RBMS3: variants seen among roughly 807,000 people sequenced by gnomAD.
The protein encoded by RBMS3 is RNA-binding motif, single-stranded-interacting protein 3.
RBMS3 carries 27 observed loss-of-function variants against 66.8 expected under a neutral mutation model. The ratio of observed to expected loss-of-function variants is 0.40; its 90% CI spans 0.30 to 0.56. The LOEUF is 0.56. Among genes scored for constraint, RBMS3 ranks in the 20% least tolerant of loss-of-function variants. The pLI is 0.40. For synonymous variants in RBMS3, 188 were observed against 183.0 expected (o/e 1.03, Z -0.22); for missense variants, 513 against 549.5 (o/e 0.93, Z 0.66).
chr3:29,487,014 C>G (rs1345042316), intron 2 of RBMS3, among the ~76,000 whole-genome samples: 1 of 151,946 alleles, frequency 6.6e-6, no homozygotes, highest in Non-Finnish European at 1.5e-5. Context: ...TTCTCTTATC[C>G]CTTATTTTCT....
chr3:29,578,328 C>T (rs1364315816), intron 3 of RBMS3, among the ~76,000 whole-genome samples: 2 of 152,238 alleles, frequency 1.3e-5, no homozygotes, highest in African/African-American at 2.4e-5. Context: ...TTACCGTGTA[C>T]ATTTGTTACT....
intron 14 of RBMS3, among the ~76,000 whole-genome samples, chr3:29,997,308 C>T (rs1334276440): frequency 6.6e-6 from 1 of 151,192 alleles, no homozygotes; most frequent in African/African-American, 2.4e-5. Context: ...TCCAGGATCA[C>T]ATGGATTCAC....
intron 6 of RBMS3, among the ~76,000 whole-genome samples, chr3:29,865,969 T>C (rs2059350608): frequency 6.8e-6 from 1 of 148,132 alleles, no homozygotes; most frequent in South Asian, 2.1e-4. Context: ...ACTGGTAAAA[T>C]AGGGAAAAAT....
chr3:29,666,144 C>T (rs1028166126), intron 4 of RBMS3, among the ~76,000 whole-genome samples: 1 of 152,190 alleles, frequency 6.6e-6, no homozygotes, highest in African/African-American at 2.4e-5. Context: ...CCTCCTTTAT[C>T]TCTTTCAAGC....
At chr3:29,977,908 TAA>T (rs58268240) in intron 12 of RBMS3, among the ~76,000 whole-genome samples, 8 of 143,084 alleles carry the variant, frequency 5.6e-5, no homozygotes, top group African/African-American at 1.5e-4. Context: ...GAGGCTCTAG[TAA>T]AAAAAAAAAA....
At chr3:29,942,787 G>A (rs912243442) in intron 11 of RBMS3, among the ~76,000 whole-genome samples, 6 of 149,114 alleles carry the variant, frequency 4.0e-5, no homozygotes, top group Admixed American at 4.0e-4. Context: ...AAAATGTCTA[G>A]TAGCATGGTC....
chr3:29,643,130 C>T (rs186106287), intron 4 of RBMS3, among the ~76,000 whole-genome samples: 1 of 152,204 alleles, frequency 6.6e-6, no homozygotes, highest in East Asian at 1.9e-4. Flanking sequence ...AAAGGCTCCT[C>T]GCTGTGTCAG....
At chr3:29,585,619 G>A (rs752964132) in intron 3 of RBMS3, among the ~76,000 whole-genome samples, 8 of 152,038 alleles carry the variant, frequency 5.3e-5, no homozygotes, top group African/African-American at 9.7e-5. Flanking sequence ...CACAGCAACC[G>A]ACATGTGAGA....
In RBMS3 at chr3:29,639,593, C is replaced by CAGAGAGAGAGAGAGAGAG. The variant is rs60712857; in HGVS notation, c.399+52402_399+52419dup. 5.9e-3 allele frequency among the ~76,000 whole-genome samples: 848 copies of CAGAGAGAGAGAGAGAGAG among 143,112 alleles called. 4 individuals carry two copies. Among genetic ancestry groups the CAGAGAGAGAGAGAGAGAG allele is most frequent in the South Asian group, 0.018 (82 of 4,460 alleles). The allele number at this position is 143,112 out of a possible 152,430, so 93.9% of individuals were successfully genotyped here. ...CTATAGATGATAGATAGAAGATAGA[C>CAGAGAGAGAGAGAGAGAG]AGAGAGAGAGAGAGAGAGAGAGAGA... On this transcript the variant is annotated intron_variant, in intron 4 of 14. Coordinates refer to ENST00000383767, the MANE Select transcript of RBMS3 (RefSeq NM_001003793.3).
chr3:29,860,997 G>A (rs1231475143), intron 6 of RBMS3, among the ~76,000 whole-genome samples: 2 of 152,146 alleles, frequency 1.3e-5, no homozygotes, highest in African/African-American at 4.8e-5. Flanking sequence ...CCGAGTAGCT[G>A]CAACTACAGG....
At chr3:29,528,411 C>T (rs1423942836) in intron 3 of RBMS3, among the ~76,000 whole-genome samples, 4 of 151,632 alleles carry the variant, frequency 2.6e-5, no homozygotes, top group Non-Finnish European at 4.4e-5. Context: ...CTATGCCTGG[C>T]CCACAAATGC....
chr3:29,684,882 A>G (rs1025800590), intron 4 of RBMS3, among the ~76,000 whole-genome samples: 37 of 151,724 alleles, frequency 2.4e-4, no homozygotes, highest in African/African-American at 8.7e-4. Context: ...TTTTCCCTTT[A>G]GTATGTTTAT....
intron 1 of RBMS3, among the ~76,000 whole-genome samples, chr3:29,430,631 G>A (rs1220156134): frequency 2.0e-5 from 3 of 152,174 alleles, no homozygotes; most frequent in Non-Finnish European, 4.4e-5. Context: ...GCCCTAGGGG[G>A]GAAAAGAATT....
intron 6 of RBMS3, among the ~76,000 whole-genome samples, chr3:29,776,355 G>A (rs1123194): frequency 0.52 from 79,518 of 151,576 alleles, 21,205 homozygotes; most frequent in East Asian, 0.77. Flanking sequence ...GTTATTTAGC[G>A]TCTTGCCAGG....
At chr3:29,645,816 T>C (rs1464182583) in intron 4 of RBMS3, among the ~76,000 whole-genome samples, 1 of 152,216 alleles carries the variant, frequency 6.6e-6, no homozygotes, top group African/African-American at 2.4e-5. Context: ...GTAATGTTTT[T>C]GGTAATATTA....
At chr3:29,980,664 TCC>T (rs1697923065) in intron 12 of RBMS3, among the ~76,000 whole-genome samples, 1 of 152,244 alleles carries the variant, frequency 6.6e-6, no homozygotes, top group South Asian at 2.1e-4. Flanking sequence ...TAGCCAGTTT[TCC>T]TAACACCACT....
At chr3:29,514,776 A>T (rs2044556807) in intron 3 of RBMS3, among the ~76,000 whole-genome samples, 2 of 148,914 alleles carry the variant, frequency 1.3e-5, no homozygotes, top group Non-Finnish European at 3.0e-5. Context: ...TACGATAGGC[A>T]TATATATATA....
At chr3:29,645,764 T>C (rs1308206494) in intron 4 of RBMS3, among the ~76,000 whole-genome samples, 3 of 152,250 alleles carry the variant, frequency 2.0e-5, no homozygotes, top group Non-Finnish European at 1.5e-5. Context: ...GGACATTTGA[T>C]GTTTTGCAGC....
intron 8 of RBMS3, 141 bp from the exon 9 acceptor site, chr3:29,897,238 T>C (rs560115202): frequency 3.1e-6 from 2 of 655,056 alleles, no homozygotes; most frequent in East Asian, 5.6e-5. Flanking sequence ...ATAATGTAAA[T>C]CTCCTAGACG....
Sources: gnomAD v4.1 joint callset for allele counts (sites outside exome capture counted in the v4.1 genomes callset) on GRCh38, gnomAD v4.1.1 for gene constraint, MANE v1.5 for transcripts, NCBI Gene and HGNC (gene_info 2026-07-23, HGNC 2026-07-21) for gene names.